The following COL14A1 variants were observed in gnomAD, a reference collection of about 807,000 sequenced individuals.
The protein encoded by COL14A1 is collagen type XIV alpha 1 chain.
In COL14A1, 136 loss-of-function variants were observed where a neutral mutation model predicts 230.3. The observed-to-expected ratio is 0.59, with a 90% CI of 0.51 to 0.68. The LOEUF is 0.68. COL14A1 is among the 30% of genes least tolerant of loss of function. COL14A1 has a pLI of 0.00. For synonymous variants in COL14A1, 792 were observed against 784.1 expected, an observed-to-expected ratio of 1.01 and a Z score of -0.17; for missense variants, 1,976 against 2,215.8, an observed-to-expected ratio of 0.89 and a Z score of 2.17.
chr8:120,139,342 C>G (rs377599378), intron 1 of COL14A1, among the ~76,000 whole-genome samples: 2 of 152,104 alleles, frequency 1.3e-5, no homozygotes, highest in African/African-American at 4.8e-5. Context: ...ATGAATTACT[C>G]GAGTCAGGTC....
At chr8:120,154,554 T>C (rs1026960784) in intron 2 of COL14A1, among the ~76,000 whole-genome samples, 7 of 152,274 alleles carry the variant, frequency 4.6e-5, no homozygotes, top group African/African-American at 1.7e-4. Context: ...ATGATGTTTA[T>C]ATATTCACAG....
chr8:120,363,089 C>CT (rs1426543283), intron 45 of COL14A1, among the ~76,000 whole-genome samples: 4 of 152,242 alleles, frequency 2.6e-5, no homozygotes, highest in Admixed American at 6.5e-5. Flanking sequence ...AAGCTTCAGC[C>CT]TAAGGAATTT....
At chr8:120,154,304 G>T (rs1815390815) in intron 2 of COL14A1, among the ~76,000 whole-genome samples, 1 of 152,188 alleles carries the variant, frequency 6.6e-6, no homozygotes, top group East Asian at 1.9e-4. Context: ...GTAAATGCTT[G>T]ATAATAGTGA....
At position 120,162,432 on chromosome 8, in the gene COL14A1, A is replaced by G. The variant is rs755382088; in HGVS notation, c.212A>G (p.Lys71Arg). The G allele has an allele frequency of 3.1e-6, 5 of 1,599,588 alleles. No individual in the cohort carries two copies. The highest frequency in any genetic ancestry group is 1.3e-5 in the African/African-American group (1 of 74,126). Residue 71 changes from lysine (K) to arginine (R), a missense_variant, in exon 4 of 48, where the codon AAA (lysine) becomes AGA (arginine). Physicochemically the swap from Lys to Arg is conservative, Grantham distance 26. This residue lies in a region of COL14A1 where 181 missense variants were observed against 178.6 expected (regional missense o/e 1.01). Transcript: ENST00000297848. ...TTTTTCTCTTTTATTATAGGTGGAA[A>G]AACTAACCAGCTGAATCTGCAGAAC... is the stretch of plus-strand genomic sequence containing the variant. ...KLLVTPTSGGKTNQLNLQNTA... is the reference protein window; with the variant it reads ...KLLVTPTSGGRTNQLNLQNTA...
chr8:120,198,396 T>C (rs1817117839), intron 7 of COL14A1, among the ~76,000 whole-genome samples: 2 of 152,292 alleles, frequency 1.3e-5, no homozygotes. Flanking sequence ...ATAATAATAA[T>C]ATGGATCTTT....
intron 5 of COL14A1, among the ~76,000 whole-genome samples, chr8:120,178,324 G>A (rs540309106): frequency 6.6e-6 from 1 of 152,290 alleles, no homozygotes; most frequent in South Asian, 2.1e-4. Context: ...AGAACATGCA[G>A]TATGTGTTTT....
intron 37 of COL14A1, among the ~76,000 whole-genome samples, chr8:120,312,395 C>T (rs1219465431): frequency 6.6e-6 from 1 of 152,152 alleles, no homozygotes; most frequent in South Asian, 2.1e-4. Context: ...TGCTTGTTAC[C>T]AGTTCCATAG....
rs747608686 is a variant in COL14A1, at chr8:120,209,864, C to G, written c.1430C>G (p.Ala477Gly). Residue 477 changes from alanine (A) to glycine (G), a missense_variant, in exon 12 of 48, where the codon GCT becomes GGT. This residue lies in a region of COL14A1 where 1,791 missense variants were observed against 2,019.5 expected (regional missense o/e 0.89). Coordinates refer to ENST00000297848, the MANE Select transcript of COL14A1 (RefSeq NM_021110.4). ...GCCTCAGGTTACCTGATCCTTTATG[C>G]TCCTCTAACAGAGGGCCTGGCTGGG... The part of the protein sequence containing the change: ...PGASGYLILY[A>G]PLTEGLAGDE... 1 of 1,613,276 alleles carries G rather than the reference C, an allele frequency of 6.2e-7. No homozygotes were observed. The highest frequency in any genetic ancestry group is 8.5e-7 in the Non-Finnish European group (1 of 1,179,662).
At chr8:120,148,220 C>A (rs1049903467) in intron 2 of COL14A1, among the ~76,000 whole-genome samples, 1 of 150,046 alleles carries the variant, frequency 6.7e-6, no homozygotes, top group African/African-American at 2.5e-5. Context: ...GCAACCTCTA[C>A]CTCTCAGGTT....
intron 2 of COL14A1, among the ~76,000 whole-genome samples, chr8:120,151,484 C>CA (rs1484548829): frequency 6.6e-6 from 1 of 151,418 alleles, no homozygotes; most frequent in Non-Finnish European, 1.5e-5. Flanking sequence ...ACTAAAAATA[C>CA]AAAAAATTAG....
chr8:120,194,162 G>A (rs548366398), intron 5 of COL14A1, among the ~76,000 whole-genome samples: 48 of 152,288 alleles, frequency 3.2e-4, no homozygotes, highest in African/African-American at 1.1e-3. Context: ...GGAAGCTGTC[G>A]ACCGGAGCCA....
At chr8:120,224,022 C>CTTTTTTT (rs1563681445) in intron 14 of COL14A1, among the ~76,000 whole-genome samples, 11 of 48,610 alleles carry the variant, frequency 2.3e-4, no homozygotes, top group African/African-American at 6.9e-4. Flanking sequence ...GCCCTCATCT[C>CTTTTTTT]CTTTTTTTTT....
At chr8:120,341,227 T>C (rs1006855908) in intron 42 of COL14A1, 98 bp from the exon 43 acceptor site, 4 of 1,235,680 alleles carry the variant, frequency 3.2e-6, no homozygotes, top group Non-Finnish European at 3.6e-6. Context: ...TTACTGGTGC[T>C]AAGAAAAATG....
At chr8:120,262,020 G>A (rs17833361) in intron 23 of COL14A1, among the ~76,000 whole-genome samples, 17,999 of 152,176 alleles carry the variant, frequency 0.12, 1,256 homozygotes, top group Non-Finnish European at 0.16. Flanking sequence ...CCATGGACCA[G>A]GGCTTCTGAG....
intron 34 of COL14A1, among the ~76,000 whole-genome samples, chr8:120,290,246 T>C (rs1305252858): frequency 6.6e-6 from 1 of 152,206 alleles, no homozygotes; most frequent in African/African-American, 2.4e-5. Context: ...TAGGTTTTGC[T>C]ATCACTAATG....
At chr8:120,243,407 T>G (rs1357444457) in intron 19 of COL14A1, among the ~76,000 whole-genome samples, 1 of 152,186 alleles carries the variant, frequency 6.6e-6, no homozygotes, top group Non-Finnish European at 1.5e-5. Context: ...TTGGCTAGGA[T>G]CCATCCTTTC....
At chr8:120,342,593 AC>A (rs1367853767) in intron 44 of COL14A1, 147 bp downstream of exon 44, 1 of 747,610 alleles carries the variant, frequency 1.3e-6, no homozygotes, top group East Asian at 2.8e-5. Context: ...ACCATCACTG[AC>A]CCATCAAAGA....
At chr8:120,290,360 T>C (rs1820335197) in intron 34 of COL14A1, among the ~76,000 whole-genome samples, 1 of 150,988 alleles carries the variant, frequency 6.6e-6, no homozygotes, top group African/African-American at 2.5e-5. Context: ...AGACTTCCAG[T>C]TGGCAAAGAA....
At chr8:120,244,774 C>T (rs1818712648) in intron 20 of COL14A1, among the ~76,000 whole-genome samples, 1 of 152,304 alleles carries the variant, frequency 6.6e-6, no homozygotes, top group East Asian at 1.9e-4. Flanking sequence ...AGCCTCCTGT[C>T]AGGTCTTCCT....
Sources: allele counts gnomAD v4.1 joint callset (sites outside exome capture counted in the v4.1 genomes callset), GRCh38; gene constraint gnomAD v4.1.1; regional missense constraint gnomAD v4.1.1; transcripts MANE v1.5; gene names NCBI Gene and HGNC (gene_info 2026-07-23, HGNC 2026-07-21).